Variants in PDE3A observed in about 807,000 individuals in gnomAD.
The protein encoded by PDE3A is phosphodiesterase 3A.
PDE3A carries 43 observed loss-of-function variants against 98.3 expected under a neutral mutation model. That is an observed-to-expected ratio of 0.44 (90% CI 0.34 to 0.56). The LOEUF (loss-of-function observed/expected upper bound fraction) is 0.56, where lower values mean the gene tolerates loss of function less well. PDE3A is among the 20% of genes least tolerant of loss of function. The probability of loss-of-function intolerance (pLI) is 0.01; values close to 1 mark genes in which losing one functional copy is unlikely to be tolerated. For synonymous variants in PDE3A, 663 were observed against 567.9 expected (o/e 1.17, Z -2.38); for missense variants, 1,427 against 1,440.7 (o/e 0.99, Z 0.15).
At chr12:20,563,891 A>AT (rs941125029) in intron 2 of PDE3A, among the ~76,000 whole-genome samples, 1 of 152,002 alleles carries the variant, frequency 6.6e-6, no homozygotes, top group Non-Finnish European at 1.5e-5. Context: ...TTGGACAATT[A>AT]TTTTTTACTC....
chr12:20,399,285 G>C (rs1030496486), intron 1 of PDE3A, among the ~76,000 whole-genome samples: 40 of 152,098 alleles, frequency 2.6e-4, no homozygotes, highest in African/African-American at 9.7e-4. Flanking sequence ...GAATATGTGT[G>C]TATGAATAGG....
intron 1 of PDE3A, chr12:20,551,496 T>G (rs1029684398): frequency 1.2e-6 from 1 of 815,068 alleles, no homozygotes; most frequent in African/African-American, 1.7e-5. Context: ...TCTTAGTTGG[T>G]GGAGCGATTT....
chr12:20,436,850 A>T (rs755001093), intron 1 of PDE3A, among the ~76,000 whole-genome samples: 2 of 152,212 alleles, frequency 1.3e-5, no homozygotes, highest in Non-Finnish European at 2.9e-5. Flanking sequence ...TGTAATTGCG[A>T]ATTAGCCCTC....
intron 1 of PDE3A, among the ~76,000 whole-genome samples, chr12:20,533,036 C>T (rs937338623): frequency 4.6e-5 from 7 of 152,122 alleles, no homozygotes; most frequent in Non-Finnish European, 1.0e-4. Context: ...GCGTCCCATG[C>T]TATATTGAGA....
chr12:20,419,966 T>C (rs1329343781), intron 1 of PDE3A, among the ~76,000 whole-genome samples: 1 of 152,146 alleles, frequency 6.6e-6, no homozygotes, highest in Non-Finnish European at 1.5e-5. Context: ...CTCGAACTCC[T>C]GACCTCAAGT....
chr12:20,545,158 A>T (rs990979383), intron 1 of PDE3A, among the ~76,000 whole-genome samples: 2 of 152,062 alleles, frequency 1.3e-5, no homozygotes, highest in Non-Finnish European at 2.9e-5. Flanking sequence ...GATAAACCAG[A>T]TGTATTAAAT....
At chr12:20,460,983 G>A (rs1196559947) in intron 1 of PDE3A, among the ~76,000 whole-genome samples, 1 of 151,982 alleles carries the variant, frequency 6.6e-6, no homozygotes, top group Admixed American at 6.6e-5. Context: ...AGTATAATAG[G>A]CTACAGTATT....
chr12:20,651,038 T>C (rs564833096), intron 14 of PDE3A, among the ~76,000 whole-genome samples: 1 of 152,336 alleles, frequency 6.6e-6, no homozygotes, highest in African/African-American at 2.4e-5. Flanking sequence ...AGTTTAAATG[T>C]ACATGGAATA....
chr12:20,533,112 C>T (rs1211914603), intron 1 of PDE3A, among the ~76,000 whole-genome samples: 3 of 152,134 alleles, frequency 2.0e-5, no homozygotes, highest in Non-Finnish European at 4.4e-5. Context: ...TACTACTTGA[C>T]ATTTTAGCAT....
intron 1 of PDE3A, among the ~76,000 whole-genome samples, chr12:20,536,064 T>C (rs946250914): frequency 2.6e-5 from 4 of 152,262 alleles, no homozygotes; most frequent in African/African-American, 4.8e-5. Context: ...GTTCAGACTC[T>C]GCAGGTGGAA....
At chr12:20,462,677 AG>A (rs747347922) in intron 1 of PDE3A, among the ~76,000 whole-genome samples, 1 of 152,100 alleles carries the variant, frequency 6.6e-6, no homozygotes, top group Non-Finnish European at 1.5e-5. Flanking sequence ...CAATGTCTGA[AG>A]TTTTTTTATT....
At chr12:20,617,522 C>A (rs1216034612) in intron 4 of PDE3A, among the ~76,000 whole-genome samples, 1 of 152,078 alleles carries the variant, frequency 6.6e-6, no homozygotes, top group Admixed American at 6.6e-5. Context: ...AATTAGAAGT[C>A]AATGATCAAT....
intron 1 of PDE3A, among the ~76,000 whole-genome samples, chr12:20,534,490 G>A (rs948483238): frequency 6.6e-6 from 1 of 152,154 alleles, no homozygotes; most frequent in African/African-American, 2.4e-5. Flanking sequence ...TTAAAAGGAT[G>A]TATGCCACGA....
chr12:20,412,398 G>T (rs1944349142), intron 1 of PDE3A, among the ~76,000 whole-genome samples: 1 of 152,104 alleles, frequency 6.6e-6, no homozygotes, highest in African/African-American at 2.4e-5. Flanking sequence ...AAATATTTAA[G>T]AAATTATTAG....
chr12:20,608,489 T>A (rs1055595103), intron 2 of PDE3A, among the ~76,000 whole-genome samples: 5 of 152,168 alleles, frequency 3.3e-5, no homozygotes, highest in African/African-American at 1.2e-4. Context: ...CTTAAAGACC[T>A]TTGCTTTTGC....
chr12:20,669,074 T>C (rs1201094525), intron 15 of PDE3A, among the ~76,000 whole-genome samples: 323 of 151,258 alleles, frequency 2.1e-3, no homozygotes, highest in African/African-American at 7.0e-3. Flanking sequence ...GGAGCCGATG[T>C]GATCAACTGG....
chr12:20,457,905 T>C (rs7487173), intron 1 of PDE3A, among the ~76,000 whole-genome samples: 89,829 of 151,800 alleles, frequency 0.59, 27,202 homozygotes, highest in Admixed American at 0.68. Flanking sequence ...AGCCTATCTT[T>C]TCAGTAAGTT....
In PDE3A at chr12:20,681,851, G is replaced by A. The variant is rs1172280145; in HGVS notation, c.*1580G>A. The A allele has an allele frequency of 2.0e-5, 3 of 151,880 alleles. No individual in the cohort carries two copies. The highest frequency in any genetic ancestry group is 6.6e-5 in the Admixed American group (1 of 15,252). 9.4% of individuals were successfully genotyped at this position (151,880 alleles called of 1,614,324 possible). A position where few individuals can be genotyped will look rare whatever the true frequency, so the allele number is the denominator to read the frequency against. ...TCATATTATTATATATGTCATGATAGTTATCTTGATGTAAATATGAAGATT... is the reference window on the plus strand; with the variant it reads ...TCATATTATTATATATGTCATGATAATTATCTTGATGTAAATATGAAGATT... On this transcript the variant is annotated 3_prime_UTR_variant, in exon 16 of 16. Coordinates refer to ENST00000359062, the MANE Select transcript of PDE3A (RefSeq NM_000921.5).
intron 15 of PDE3A, among the ~76,000 whole-genome samples, chr12:20,665,045 C>A (rs1945274037): frequency 6.6e-6 from 1 of 152,120 alleles, no homozygotes. Flanking sequence ...TTTTCATTAC[C>A]CCTGTCCTAA....
Sources: gnomAD v4.1 joint callset for allele counts (sites outside exome capture counted in the v4.1 genomes callset) on GRCh38, gnomAD v4.1.1 for gene constraint, MANE v1.5 for transcripts, NCBI Gene and HGNC (gene_info 2026-07-23, HGNC 2026-07-21) for gene names.